RPTOR: variants seen among roughly 807,000 people sequenced by gnomAD.
RPTOR encodes regulatory-associated protein of mTOR.
Under a neutral mutation model 169.9 loss-of-function variants are expected in RPTOR, and 21 were observed. That is an observed-to-expected ratio of 0.12 (90% CI 0.09 to 0.18). RPTOR has a LOEUF of 0.18. Among genes scored for constraint, RPTOR ranks in the 10% least tolerant of loss-of-function variants. The probability of loss-of-function intolerance (pLI) is 1.00; values close to 1 mark genes in which losing one functional copy is unlikely to be tolerated. For synonymous variants in RPTOR, 732 were observed against 753.2 expected, an observed-to-expected ratio of 0.97 and a Z score of 0.46; for missense variants, 1,133 against 1,855.9, an observed-to-expected ratio of 0.61 and a Z score of 7.16.
chr17:80,895,001 A>T (rs2068380378), intron 20 of RPTOR, among the ~76,000 whole-genome samples: 1 of 152,234 alleles, frequency 6.6e-6, no homozygotes, highest in Non-Finnish European at 1.5e-5. Flanking sequence ...TTTGATGGTC[A>T]TCTAGGTTTT....
chr17:80,867,636 A>G lies in RPTOR; in HGVS notation c.1509+9736A>G, dbSNP rs571468764. Among the ~76,000 whole-genome samples, 5 of 152,352 alleles carry G rather than the reference A, an allele frequency of 3.3e-5. No homozygotes were observed. In the South Asian group the frequency reaches 1.0e-3, roughly 32 times the overall value. On this transcript the variant is annotated intron_variant, in intron 13 of 33. Coordinates refer to ENST00000306801, the MANE Select transcript of RPTOR (RefSeq NM_020761.3). ...CTATGTGGAGAATCCAGTTTAATCT[A>G]TTTTAAAGTGCTACTAGAAAAAATT...
chr17:80,663,623 G>C (rs1260794730), intron 3 of RPTOR, among the ~76,000 whole-genome samples: 1 of 152,180 alleles, frequency 6.6e-6, no homozygotes, highest in African/African-American at 2.4e-5. Flanking sequence ...GCTTATTATG[G>C]AGTGTGCACG....
At chr17:80,688,243 CA>C (rs1399729045) in intron 3 of RPTOR, among the ~76,000 whole-genome samples, 4 of 152,168 alleles carry the variant, frequency 2.6e-5, no homozygotes, top group Non-Finnish European at 4.4e-5. Context: ...AGAAGTTAGA[CA>C]CTATCCTCTC....
chr17:80,660,826 AC>A (rs1160429458), intron 3 of RPTOR, among the ~76,000 whole-genome samples: 1 of 109,918 alleles, frequency 9.1e-6, no homozygotes, highest in African/African-American at 3.5e-5. Context: ...ATCGTTCCCC[AC>A]CCCATCTCCC....
At chr17:80,630,543 G>A (rs2065434297) in intron 2 of RPTOR, among the ~76,000 whole-genome samples, 1 of 152,166 alleles carries the variant, frequency 6.6e-6, no homozygotes, top group Non-Finnish European at 1.5e-5. Flanking sequence ...CCTCAGTTTG[G>A]CTGTTAAGGC....
At chr17:80,868,038 G>A (rs910071953) in intron 13 of RPTOR, among the ~76,000 whole-genome samples, 5 of 152,132 alleles carry the variant, frequency 3.3e-5, no homozygotes, top group Admixed American at 2.0e-4. Flanking sequence ...ACTCAAGATC[G>A]GAAATAGCTT....
chr17:80,662,400 A>G (rs2065731373), intron 3 of RPTOR, among the ~76,000 whole-genome samples: 1 of 152,182 alleles, frequency 6.6e-6, no homozygotes. Context: ...TATTACTCAA[A>G]TCAGCCCCTC....
chr17:80,625,816 C>T (rs762717161), intron 2 of RPTOR, 23 bp downstream of exon 2: 1 of 1,550,726 alleles, frequency 6.4e-7, no homozygotes, highest in Non-Finnish European at 8.9e-7. Flanking sequence ...CCCTCACGCG[C>T]TGCCACAAAG....
chr17:80,631,004 C>T (rs1008126404), intron 2 of RPTOR, among the ~76,000 whole-genome samples: 12 of 152,156 alleles, frequency 7.9e-5, no homozygotes, highest in African/African-American at 2.9e-4. Context: ...TTCACCTGTC[C>T]CCCAGTGATG....
intron 9 of RPTOR, among the ~76,000 whole-genome samples, chr17:80,825,363 G>T (rs948133453): frequency 6.6e-6 from 1 of 152,082 alleles, no homozygotes; most frequent in South Asian, 2.1e-4. Context: ...GCGTGGCGAG[G>T]TTGGCACAGG....
rs190381446 is a variant in RPTOR, at chr17:80,837,400, G to C, written c.1137-522G>C. 3.9e-5 allele frequency among the ~76,000 whole-genome samples: 6 copies of C among 152,278 alleles called. No individual in the cohort carries two copies. The East Asian group carries it at 1.2e-3, about 29-fold the overall frequency. On this transcript the variant is annotated intron_variant, in intron 9 of 33. Transcript: ENST00000306801. Reference sequence around the variant, plus strand: ...AGGGGCCTGACGGCACCATCACAGCGCAGAGCTCAGCCCTGACCGCCAGGA... The same window carrying C: ...AGGGGCCTGACGGCACCATCACAGCCCAGAGCTCAGCCCTGACCGCCAGGA...
intron 6 of RPTOR, among the ~76,000 whole-genome samples, chr17:80,765,363 G>T (rs11869890): frequency 0.27 from 41,379 of 152,074 alleles, 5,811 homozygotes; most frequent in African/African-American, 0.33. Flanking sequence ...ACTTTGCACC[G>T]TCCAGGTCAA....
At chr17:80,612,433 A>G (rs541497450) in intron 1 of RPTOR, among the ~76,000 whole-genome samples, 1 of 152,296 alleles carries the variant, frequency 6.6e-6, no homozygotes, top group Admixed American at 6.5e-5. Context: ...TGGGCCTAAT[A>G]TATGAATCTT....
chr17:80,774,639 C>T (rs542425359), intron 6 of RPTOR, among the ~76,000 whole-genome samples: 15 of 152,304 alleles, frequency 9.8e-5, no homozygotes, highest in African/African-American at 3.6e-4. Flanking sequence ...TTACTTGATG[C>T]CGTGCCGTAC....
chr17:80,691,157 G>T (rs952733944), intron 3 of RPTOR, among the ~76,000 whole-genome samples: 1 of 152,200 alleles, frequency 6.6e-6, no homozygotes, highest in Admixed American at 6.5e-5. Context: ...TATTTGGATA[G>T]CTCAAGGTAC....
chr17:80,572,397 T>C (rs1366185931), intron 1 of RPTOR, among the ~76,000 whole-genome samples: 2 of 136,738 alleles, frequency 1.5e-5, no homozygotes, highest in African/African-American at 5.4e-5. Flanking sequence ...GATAATTATA[T>C]ATTTTCTTCT....
intron 3 of RPTOR, among the ~76,000 whole-genome samples, chr17:80,687,250 G>A (rs927008343): frequency 2.6e-5 from 4 of 152,100 alleles, no homozygotes; most frequent in Admixed American, 6.5e-5. Context: ...TTTGCTCTTC[G>A]TTACCCTCTT....
intron 5 of RPTOR, among the ~76,000 whole-genome samples, chr17:80,731,029 C>T (rs1267460015): frequency 6.6e-6 from 1 of 152,128 alleles, no homozygotes; most frequent in African/African-American, 2.4e-5. Context: ...GCACGCCACG[C>T]CACCATGCCT....
chr17:80,801,152 C>G (rs1459217301), intron 7 of RPTOR, among the ~76,000 whole-genome samples: 16 of 152,208 alleles, frequency 1.1e-4, no homozygotes, highest in African/African-American at 3.9e-4. Context: ...GTAAGGAGAC[C>G]TGGGAGCTGC....
Sources: allele counts gnomAD v4.1 joint callset (sites outside exome capture counted in the v4.1 genomes callset), GRCh38; gene constraint gnomAD v4.1.1; transcripts MANE v1.5; gene names NCBI Gene and HGNC (gene_info 2026-07-23, HGNC 2026-07-21).